SYN3: variants seen among roughly 807,000 people sequenced by gnomAD.
SYN3 encodes synapsin-3.
Under a neutral mutation model 65.8 loss-of-function variants are expected in SYN3, and 35 were observed. The ratio of observed to expected loss-of-function variants is 0.53; its 90% CI spans 0.41 to 0.70. SYN3 has a LOEUF of 0.70. Ranked by LOEUF, SYN3 falls within the 30% of genes least tolerant of loss-of-function variation. The pLI is 0.00. For missense variants in SYN3, 680 were observed against 749.0 expected (o/e 0.91, Z 1.08); for synonymous variants, 270 against 292.9 (o/e 0.92, Z 0.80).
At chr22:32,620,300 C>T (rs993206927) in intron 6 of SYN3, among the ~76,000 whole-genome samples, 11 of 152,088 alleles carry the variant, frequency 7.2e-5, no homozygotes, top group African/African-American at 2.7e-4. Flanking sequence ...GTGAAGAGAG[C>T]CAGTGTACTC....
At chr22:32,677,434 A>G (rs1050298091) in intron 6 of SYN3, among the ~76,000 whole-genome samples, 1 of 152,320 alleles carries the variant, frequency 6.6e-6, no homozygotes, top group East Asian at 1.9e-4. Context: ...CTGGTGGAAT[A>G]AATTGTGGCT....
In SYN3 at chr22:32,775,444, T is replaced by C. The variant is rs8141493; in HGVS notation, c.711+89471A>G. 9.6e-3 allele frequency among the ~76,000 whole-genome samples: 1,465 copies of C among 152,298 alleles called. 31 individuals are homozygous for C. The highest frequency in any genetic ancestry group is 0.034 in the African/African-American group (1,426 of 41,552). ...AAGAGAGTGGTGACCTGGTCCTCCC[T>C]GTTCCCACTTCCCATAGCAGATAAC... On this transcript the variant is annotated intron_variant, in intron 6 of 13. Transcript: ENST00000358763.
At chr22:32,933,678 T>C (rs903345337) in intron 3 of SYN3, among the ~76,000 whole-genome samples, 1 of 152,152 alleles carries the variant, frequency 6.6e-6, no homozygotes, top group Non-Finnish European at 1.5e-5. Context: ...GACCTCGTGA[T>C]CCGCCCGCCT....
intron 6 of SYN3, among the ~76,000 whole-genome samples, chr22:32,634,740 G>A (rs1448372235): frequency 6.6e-6 from 1 of 152,112 alleles, no homozygotes; most frequent in Non-Finnish European, 1.5e-5. Flanking sequence ...GGTTTCCCCA[G>A]GCTGGCTTCC....
At chr22:32,891,306 C>T (rs1422012018) in intron 4 of SYN3, among the ~76,000 whole-genome samples, 2 of 152,138 alleles carry the variant, frequency 1.3e-5, no homozygotes, top group African/African-American at 2.4e-5. Context: ...CCTAAAGCCA[C>T]GTCTTAAGCA....
At chr22:32,938,121 G>A (rs150429948) in intron 3 of SYN3, among the ~76,000 whole-genome samples, 43 of 152,248 alleles carry the variant, frequency 2.8e-4, no homozygotes, top group African/African-American at 9.9e-4. Flanking sequence ...GCAGCCAAAG[G>A]GGGGAAAATA....
At position 33,016,881 on chromosome 22, in the gene SYN3, C is replaced by G. The variant is rs895637663; in HGVS notation, c.-162-10057G>C. On this transcript the variant is annotated intron_variant, in intron 1 of 13. Coordinates refer to ENST00000358763, the MANE Select transcript of SYN3 (RefSeq NM_003490.4). ...CATCTTTATTCATTGCTTCTTTGCT[C>G]TGCAGAAGCTTTTTAGTTTGATGCA... Among the ~76,000 whole-genome samples, 7 of 152,254 alleles carry G rather than the reference C, an allele frequency of 4.6e-5. 1 individual carries two copies. The highest frequency in any genetic ancestry group is 3.9e-4 in the East Asian group (2 of 5,184).
At chr22:33,018,401 G>A (rs1311133068) in intron 1 of SYN3, among the ~76,000 whole-genome samples, 1 of 152,170 alleles carries the variant, frequency 6.6e-6, no homozygotes, top group African/African-American at 2.4e-5. Flanking sequence ...AGTAGGCCCC[G>A]TGGGTACCCA....
intron 6 of SYN3, among the ~76,000 whole-genome samples, chr22:32,602,652 G>C (rs1399083804): frequency 6.6e-6 from 1 of 152,086 alleles, no homozygotes; most frequent in African/African-American, 2.4e-5. Context: ...AGTAGAGACG[G>C]GGTTTCACCA....
intron 7 of SYN3, among the ~76,000 whole-genome samples, chr22:32,560,524 G>A (rs1017422150): frequency 6.6e-6 from 1 of 152,148 alleles, no homozygotes; most frequent in African/African-American, 2.4e-5. Flanking sequence ...CTATCCTGTC[G>A]ATTCCAGGCA....
intron 6 of SYN3, among the ~76,000 whole-genome samples, chr22:32,775,891 T>G (rs963773346): frequency 1.3e-5 from 2 of 152,176 alleles, no homozygotes; most frequent in Non-Finnish European, 2.9e-5. Flanking sequence ...GAATGTTACC[T>G]CCTGTGGCCA....
chr22:32,516,566 G>C (rs1374908213), intron 13 of SYN3, among the ~76,000 whole-genome samples: 2 of 152,040 alleles, frequency 1.3e-5, no homozygotes, highest in South Asian at 4.1e-4. Context: ...GTTTCACCAT[G>C]TTGGCCAGGC....
At chr22:32,733,883 C>T (rs1473162415) in intron 6 of SYN3, among the ~76,000 whole-genome samples, 2 of 152,092 alleles carry the variant, frequency 1.3e-5, no homozygotes, top group Admixed American at 1.3e-4. Flanking sequence ...AGGATCACAG[C>T]GCCACACTTA....
chr22:32,691,909 G>A (rs1387632728), intron 6 of SYN3, among the ~76,000 whole-genome samples: 1 of 151,968 alleles, frequency 6.6e-6, no homozygotes, highest in Non-Finnish European at 1.5e-5. Flanking sequence ...ATGAGCTCCT[G>A]GGGTGAAAGT....
At chr22:32,922,786 G>T (rs562953663) in intron 4 of SYN3, among the ~76,000 whole-genome samples, 8 of 152,248 alleles carry the variant, frequency 5.3e-5, no homozygotes, top group African/African-American at 1.4e-4. Flanking sequence ...ATTGACTGGG[G>T]CTAGTCATGT....
chr22:32,572,318 C>CCCTT (rs2058775490), intron 7 of SYN3, among the ~76,000 whole-genome samples: 1 of 67,846 alleles, frequency 1.5e-5, no homozygotes, highest in African/African-American at 5.3e-5. Flanking sequence ...TTACTCCCTT[C>CCCTT]CCTTCCTTCC....
At chr22:32,984,161 C>CAAAAA (rs35678412) in intron 2 of SYN3, among the ~76,000 whole-genome samples, 28 of 92,902 alleles carry the variant, frequency 3.0e-4, no homozygotes, top group South Asian at 7.6e-4. Context: ...AAACTCCATC[C>CAAAAA]AAAAAAAAAA....
At chr22:33,013,157 C>T (rs1387142158) in intron 1 of SYN3, among the ~76,000 whole-genome samples, 1 of 152,098 alleles carries the variant, frequency 6.6e-6, no homozygotes, top group East Asian at 1.9e-4. Flanking sequence ...GATATGAATT[C>T]CCTGACTTTG....
chr22:32,515,723 GATAA>G (rs2057759320), intron 13 of SYN3, among the ~76,000 whole-genome samples: 1 of 151,946 alleles, frequency 6.6e-6, no homozygotes, highest in African/African-American at 2.4e-5. Context: ...GGATTAGTTA[GATAA>G]ATTATAGTAC....
Sources: allele counts gnomAD v4.1 joint callset (sites outside exome capture counted in the v4.1 genomes callset), GRCh38; gene constraint gnomAD v4.1.1; transcripts MANE v1.5; gene names NCBI Gene and HGNC (gene_info 2026-07-23, HGNC 2026-07-21).